Variants in CDC42BPB observed in about 807,000 individuals in gnomAD.
The protein encoded by CDC42BPB is serine/threonine-protein kinase MRCK beta.
In CDC42BPB, 37 loss-of-function variants were observed where a neutral mutation model predicts 214.9. The ratio of observed to expected loss-of-function variants is 0.17; its 90% CI spans 0.13 to 0.23. CDC42BPB has a LOEUF of 0.23. Ranked by LOEUF, CDC42BPB falls within the 10% of genes least tolerant of loss-of-function variation. The pLI is 1.00. For synonymous variants in CDC42BPB, 931 were observed against 884.0 expected, an observed-to-expected ratio of 1.05 and a Z score of -0.94; for missense variants, 1,694 against 2,227.0, an observed-to-expected ratio of 0.76 and a Z score of 4.82.
chr14:103,036,240 C>G (rs958258079), intron 1 of CDC42BPB, among the ~76,000 whole-genome samples: 1 of 151,706 alleles, frequency 6.6e-6, no homozygotes, highest in Non-Finnish European at 1.5e-5. Flanking sequence ...GCAAGCTCCC[C>G]CTCCTGGGTT....
rs1887761719 is a variant in CDC42BPB, at chr14:103,037,970, A to T, written c.175+19029T>A. Among the ~76,000 whole-genome samples, 3 of 149,950 alleles carry T rather than the reference A, an allele frequency of 2.0e-5. No homozygotes were observed. In the Admixed American group the frequency reaches 2.0e-4, roughly 10 times the overall value. On this transcript the variant is annotated intron_variant, in intron 1 of 36. Transcript: ENST00000361246. ...TGTGAACCCGGGAGACGGAGCTTGC[A>T]GTGAGCCGAGATCATGCCACTGCCC...
At chr14:102,994,712 G>C (rs964964381) in intron 5 of CDC42BPB, among the ~76,000 whole-genome samples, 1 of 152,244 alleles carries the variant, frequency 6.6e-6, no homozygotes, top group Non-Finnish European at 1.5e-5. Context: ...GTGGGTGAAA[G>C]AGCCATGGTG....
At chr14:103,024,618 T>G (rs189599104) in intron 1 of CDC42BPB, among the ~76,000 whole-genome samples, 62 of 152,352 alleles carry the variant, frequency 4.1e-4, no homozygotes, top group African/African-American at 1.4e-3. Context: ...TCCTTCCTAT[T>G]TGACAGACTT....
chr14:102,954,466 T>C (rs993610953), intron 22 of CDC42BPB, 136 bp downstream of exon 22: 10 of 1,415,678 alleles, frequency 7.1e-6, no homozygotes, highest in Non-Finnish European at 9.3e-6. Flanking sequence ...ATTCTCAAAA[T>C]GAAAGGTGGG....
chr14:102,950,163 A>C (rs1490941290), intron 25 of CDC42BPB: 19 of 924,436 alleles, frequency 2.1e-5, no homozygotes, highest in Non-Finnish European at 2.5e-5. Context: ...GCAGCCCGAC[A>C]GTCTCGTAGA....
chr14:103,039,703 G>A (rs1412581491), intron 1 of CDC42BPB, among the ~76,000 whole-genome samples: 1 of 152,162 alleles, frequency 6.6e-6, no homozygotes, highest in African/African-American at 2.4e-5. Context: ...CCTAAGATCA[G>A]AAGAAAGACA....
At chr14:103,049,057 A>G (rs549912612) in intron 1 of CDC42BPB, among the ~76,000 whole-genome samples, 22 of 152,346 alleles carry the variant, frequency 1.4e-4, no homozygotes, top group African/African-American at 5.3e-4. Flanking sequence ...TTATATAAAC[A>G]TATTTGGAAC....
At chr14:103,000,846 C>A (rs1200364142) in intron 4 of CDC42BPB, among the ~76,000 whole-genome samples, 1 of 152,192 alleles carries the variant, frequency 6.6e-6, no homozygotes, top group Non-Finnish European at 1.5e-5. Context: ...ACCAAGACCC[C>A]ATCGACACGG....
At chr14:102,991,581 T>C (rs1894489770) in intron 5 of CDC42BPB, among the ~76,000 whole-genome samples, 2 of 152,172 alleles carry the variant, frequency 1.3e-5, no homozygotes, top group South Asian at 2.1e-4. Context: ...TAAGTAAGAA[T>C]TTTGGGGTAA....
intron 1 of CDC42BPB, among the ~76,000 whole-genome samples, chr14:103,014,122 T>C (rs1264492245): frequency 6.9e-6 from 1 of 144,332 alleles, no homozygotes; most frequent in Non-Finnish European, 1.5e-5. Context: ...GCCGAGATCG[T>C]GCCACTGCAC....
chr14:102,945,547 G>C lies in CDC42BPB; in HGVS notation c.3811+115C>G, dbSNP rs35998037. 8.0e-5 allele frequency: 71 copies of C among 886,028 alleles called. 1 individual carries two copies. The South Asian group carries it at 9.8e-4, about 12-fold the overall frequency. The allele number at this position is 886,028 out of a possible 1,614,324, so 54.9% of individuals were successfully genotyped here. A position where few individuals can be genotyped will look rare whatever the true frequency, so the allele number is the denominator to read the frequency against. ...GTCTTCACGGCACGCTGGCCCCTCC[G>C]GCGCCTTCATCAAGCGCATTTGTCT... On this transcript the variant is annotated intron_variant, in intron 29 of 36. Coordinates refer to ENST00000361246, the MANE Select transcript of CDC42BPB (RefSeq NM_006035.4).
chr14:103,045,451 C>T (rs1335401982), intron 1 of CDC42BPB, among the ~76,000 whole-genome samples: 3 of 152,158 alleles, frequency 2.0e-5, no homozygotes, highest in Non-Finnish European at 4.4e-5. Context: ...ACAGGGACCC[C>T]TGCACCCTCC....
At chr14:102,952,453 T>G (rs759175006) in intron 24 of CDC42BPB, 45 bp downstream of exon 24, 2 of 1,226,038 alleles carry the variant, frequency 1.6e-6, no homozygotes, top group Non-Finnish European at 2.4e-6. Flanking sequence ...GCTGCAGGGG[T>G]GTGGGGCTGT....
intron 20 of CDC42BPB, among the ~76,000 whole-genome samples, chr14:102,960,167 T>C (rs529566821): frequency 1.3e-5 from 2 of 152,106 alleles, no homozygotes; most frequent in South Asian, 2.1e-4. Flanking sequence ...ATCATGCCAC[T>C]GTACTCCAGC....
intron 1 of CDC42BPB, among the ~76,000 whole-genome samples, chr14:103,028,320 A>G (rs1887163318): frequency 6.6e-6 from 1 of 152,224 alleles, no homozygotes; most frequent in Non-Finnish European, 1.5e-5. Flanking sequence ...TGTGGCTACG[A>G]GTAAGCACCT....
At chr14:102,975,862 C>A (rs112719111) in intron 10 of CDC42BPB, 21 bp downstream of exon 10, 4 of 1,613,942 alleles carry the variant, frequency 2.5e-6, no homozygotes, top group Non-Finnish European at 3.4e-6. Context: ...CGCCTGGCCC[C>A]GGAGCCGGCG....
At chr14:102,941,624 GGAA>G (rs1891893890) in intron 30 of CDC42BPB, 1 of 915,308 alleles carries the variant, frequency 1.1e-6, no homozygotes, top group African/African-American at 1.8e-5. Context: ...CAAGGAAGCA[GGAA>G]GAAGTCTAGT....
At chr14:102,962,353 C>A (rs1892999781) in intron 20 of CDC42BPB, among the ~76,000 whole-genome samples, 3 of 152,252 alleles carry the variant, frequency 2.0e-5, no homozygotes, top group African/African-American at 7.2e-5. Context: ...TCTATCCATA[C>A]AGCCACTCCT....
At position 102,963,149 on chromosome 14, in the gene CDC42BPB, T is replaced by C; in HGVS notation, c.2733A>G (p.Leu911=). The C allele has an allele frequency of 1.3e-6, 2 of 1,593,466 alleles. No individual in the cohort carries two copies. Among genetic ancestry groups the C allele is most frequent in the Non-Finnish European group, 1.7e-6 (2 of 1,166,864 alleles). The change falls in exon 20 of 37, where the codon CTA becomes CTG. Residue 911 remains leucine (L), a synonymous_variant. Transcript: ENST00000361246. The stretch of plus-strand genomic sequence containing the variant: ...CTCTGTTTTTGGCTTCGGAATCCTT[T>C]AGTTTGCTAAAATAAAAAATAAATG... ...KDANLTLESK[L]KDSEAKNREL...
Sources: allele counts gnomAD v4.1 joint callset (sites outside exome capture counted in the v4.1 genomes callset), GRCh38; gene constraint gnomAD v4.1.1; transcripts MANE v1.5; gene names NCBI Gene and HGNC (gene_info 2026-07-23, HGNC 2026-07-21).